The following KIAA1671 variants were observed in gnomAD, a reference collection of about 807,000 sequenced individuals.
KIAA1671 encodes uncharacterized protein KIAA1671.
In KIAA1671, 52 loss-of-function variants were observed where a neutral mutation model predicts 131.2. That is an observed-to-expected ratio of 0.40 (90% CI 0.32 to 0.50). KIAA1671 has a LOEUF of 0.50. Ranked by LOEUF, KIAA1671 falls within the 20% of genes least tolerant of loss-of-function variation. The pLI is 0.73. For synonymous variants in KIAA1671, 1,003 were observed against 961.6 expected (o/e 1.04, Z -0.80); for missense variants, 2,360 against 2,364.2 (o/e 1.00, Z 0.04).
chr22:24,987,155 AT>A (rs1164856580), intron 1 of KIAA1671, among the ~76,000 whole-genome samples: 1 of 149,370 alleles, frequency 6.7e-6, no homozygotes, highest in Non-Finnish European at 1.5e-5. Flanking sequence ...CCAATGATTT[AT>A]TTATTATTAT....
chr22:25,079,721 G>A (rs1929301381), intron 6 of KIAA1671, among the ~76,000 whole-genome samples: 1 of 152,210 alleles, frequency 6.6e-6, no homozygotes, highest in Non-Finnish European at 1.5e-5. Context: ...AGAGTGGGCA[G>A]TGAGAGCAGG....
At chr22:25,072,610 C>T (rs972280797) in intron 6 of KIAA1671, among the ~76,000 whole-genome samples, 1 of 152,150 alleles carries the variant, frequency 6.6e-6, no homozygotes, top group Non-Finnish European at 1.5e-5. Flanking sequence ...CTTGCTTGAC[C>T]TCTCAAGGAA....
intron 6 of KIAA1671, chr22:25,059,481 CAAAAA>C (rs5844619): frequency 5.0e-5 from 5 of 99,106 alleles, no homozygotes; most frequent in East Asian, 6.2e-4. Context: ...GACTCCATCT[CAAAAA>C]AAAAAAAAAA....
At chr22:25,048,271 A>G (rs993911875) in intron 5 of KIAA1671, among the ~76,000 whole-genome samples, 1 of 152,196 alleles carries the variant, frequency 6.6e-6, no homozygotes, top group Admixed American at 6.5e-5. Flanking sequence ...CAACACTGAG[A>G]AACAGAATTG....
intron 6 of KIAA1671, among the ~76,000 whole-genome samples, chr22:25,087,535 A>G (rs1443270817): frequency 6.6e-6 from 1 of 152,168 alleles, no homozygotes; most frequent in African/African-American, 2.4e-5. Flanking sequence ...GTGAGACGAG[A>G]TCACGCCACT....
chr22:25,081,922 TG>T (rs1929428827), intron 6 of KIAA1671, among the ~76,000 whole-genome samples: 1 of 152,018 alleles, frequency 6.6e-6, no homozygotes, highest in African/African-American at 2.4e-5. Context: ...ATTACCCCGC[TG>T]GGTAGTGCAT....
In KIAA1671 at chr22:24,995,052, T is replaced by G. The variant is rs546506128; in HGVS notation, c.-207-30581T>G. On this transcript the variant is annotated intron_variant, in intron 1 of 12. Transcript: ENST00000358431. ...GTCTCTGTTTGTATGTTAGGTTTTT[T>G]TTTTTTTTTTTAATTTGAGACAGAA... 1.1e-3 allele frequency among the ~76,000 whole-genome samples: 161 copies of G among 151,178 alleles called. 1 individual carries two copies. The highest frequency in any genetic ancestry group is 3.4e-3 in the African/African-American group (140 of 41,248).
In KIAA1671 at chr22:25,040,856, G is replaced by T; in HGVS notation, c.3726G>T (p.Gly1242=). ...LPRERPVQLG[G]VEQRRRSLKE... ...GGGAGAGGCCTGTTCAGCTGGGCGG[G>T]GTGGAGCAGAGAAGGAGGAGCCTGA... The change falls in exon 5 of 13, where the codon GGG becomes GGT. Residue 1242 remains glycine, a synonymous_variant. Coordinates refer to ENST00000358431, the MANE Select transcript of KIAA1671 (RefSeq NM_001145206.2). The T allele has an allele frequency of 1.3e-6, 2 of 1,547,832 alleles. No homozygotes were observed. Among genetic ancestry groups the T allele is most frequent in the Non-Finnish European group, 1.7e-6 (2 of 1,144,606 alleles).
Position 25,039,215 on chromosome 22 carries a change from A to T in KIAA1671, c.2085A>T (p.Arg695Ser). 6.4e-7 allele frequency: 1 copy of T among 1,552,202 alleles called. No individual in the cohort carries two copies. Residue 695 changes from arginine (R) to serine (S), a missense_variant, in exon 5 of 13, where the codon AGA (arginine) becomes AGT (serine). Coordinates refer to ENST00000358431, the MANE Select transcript of KIAA1671 (RefSeq NM_001145206.2). ...GPTTLLNGEL[R>S]PYHTPLRDKY... The stretch of plus-strand genomic sequence containing the variant: ...CCACCCTTTTGAATGGTGAACTGAG[A>T]CCGTATCACACGCCTCTCCGGGACA...
chr22:25,121,604 C>T (rs768831678), intron 6 of KIAA1671, among the ~76,000 whole-genome samples: 18 of 152,090 alleles, frequency 1.2e-4, no homozygotes, highest in African/African-American at 3.1e-4. Context: ...GTAGCATTTG[C>T]GCAATTTGGT....
intron 6 of KIAA1671, among the ~76,000 whole-genome samples, chr22:25,085,555 C>T (rs1446859471): frequency 1.4e-5 from 2 of 145,130 alleles, no homozygotes; most frequent in East Asian, 2.0e-4. Flanking sequence ...GTAGGAGGGA[C>T]GTGTTGCCTG....
Position 25,181,782 on chromosome 22 carries a change from A to C in KIAA1671, c.5158A>C (p.Arg1720=), listed in dbSNP as rs1377874923. The C allele has an allele frequency of 4.4e-5, 69 of 1,551,662 alleles. No individual in the cohort carries two copies. The highest frequency in any genetic ancestry group is 5.9e-5 in the Non-Finnish European group (68 of 1,146,954). ...GAGGACCCCTGTCAGCCATCCTCAG[A>C]GGATGCCTGCGTTTCCAGGCATGGA... ...AERTPVSHPQ[R]MPAFPGMDPA... The change falls in exon 10 of 13, where the codon AGG becomes CGG. Residue 1720 remains arginine (R), a synonymous_variant. Coordinates refer to ENST00000358431, the MANE Select transcript of KIAA1671 (RefSeq NM_001145206.2).
At chr22:24,998,125 G>C (rs997122069) in intron 1 of KIAA1671, among the ~76,000 whole-genome samples, 2 of 152,164 alleles carry the variant, frequency 1.3e-5, no homozygotes, top group African/African-American at 4.8e-5. Flanking sequence ...TTTAGGCCAG[G>C]TGTGGCAATA....
chr22:25,179,440 G>A (rs1304256828), intron 9 of KIAA1671: 8 of 1,613,446 alleles, frequency 5.0e-6, no homozygotes, highest in Non-Finnish European at 6.8e-6. Context: ...ATTTGTAGTT[G>A]AGCTTCTCCT....
intron 6 of KIAA1671, among the ~76,000 whole-genome samples, chr22:25,143,430 A>G (rs910604768): frequency 5.9e-5 from 9 of 152,272 alleles, no homozygotes; most frequent in African/African-American, 2.2e-4. Context: ...TAACATGTCC[A>G]AATGTCCATT....
chr22:25,039,695 C>T lies in KIAA1671; in HGVS notation c.2565C>T (p.Ala855=). The change falls in exon 5 of 13, where the codon GCC becomes GCT. Residue 855 remains alanine, a synonymous_variant. Transcript: ENST00000358431. ...CCTCCGTCAGGGCTATCAAGGCTGC[C>T]ATCTGGGAAAGCCAGCATGAGGGGC... is the stretch of plus-strand genomic sequence containing the variant. ...GATSVRAIKA[A]IWESQHEGPE... is the part of the protein sequence containing the mutation. 1 of 1,515,236 alleles carries T rather than the reference C, an allele frequency of 6.6e-7. No individual in the cohort carries two copies. Among genetic ancestry groups the T allele is most frequent in the South Asian group, 1.3e-5 (1 of 77,712 alleles). The allele number at this position is 1,515,236 out of a possible 1,614,324, so 93.9% of individuals were successfully genotyped here. A position where few individuals can be genotyped will look rare whatever the true frequency, so the allele number is the denominator to read the frequency against.
intron 6 of KIAA1671, among the ~76,000 whole-genome samples, chr22:25,154,271 CTG>C (rs1372374605): frequency 7.7e-6 from 1 of 130,696 alleles, no homozygotes; most frequent in Non-Finnish European, 1.5e-5. Context: ...TAGTCCCTGT[CTG>C]TGTCTCAGGG....
intron 5 of KIAA1671, among the ~76,000 whole-genome samples, chr22:25,044,089 G>A (rs1927093713): frequency 6.6e-6 from 1 of 152,160 alleles, no homozygotes; most frequent in East Asian, 1.9e-4. Context: ...ACCCATGTCT[G>A]TTCCCAAGAG....
chr22:24,956,156 C>T (rs1218712370), intron 1 of KIAA1671, among the ~76,000 whole-genome samples: 2 of 152,160 alleles, frequency 1.3e-5, no homozygotes, highest in East Asian at 1.9e-4. Context: ...ATCAGTGTTA[C>T]ATTTAGAGAG....
Sources: gnomAD v4.1 joint callset for allele counts (sites outside exome capture counted in the v4.1 genomes callset) on GRCh38, gnomAD v4.1.1 for gene constraint, MANE v1.5 for transcripts, NCBI Gene and HGNC (gene_info 2026-07-23, HGNC 2026-07-21) for gene names.